The following XPR1 variants were observed in gnomAD, a reference collection of about 807,000 sequenced individuals.
The protein encoded by XPR1 is solute carrier family 53 member 1.
Under a neutral mutation model 87.5 loss-of-function variants are expected in XPR1, and 28 were observed. That is an observed-to-expected ratio of 0.32 (90% CI 0.24 to 0.44). The LOEUF (loss-of-function observed/expected upper bound fraction) is 0.44, where lower values mean the gene tolerates loss of function less well. Ranked by LOEUF, XPR1 falls within the 20% of genes least tolerant of loss-of-function variation. The pLI is 1.00. For missense variants in XPR1, 559 were observed against 862.3 expected (o/e 0.65, Z 4.41); for synonymous variants, 300 against 306.1 (o/e 0.98, Z 0.21).
At position 180,761,724 on chromosome 1, in the gene XPR1, G is replaced by A. The variant is rs549854761; in HGVS notation, c.122-26029G>A. On this transcript the variant is annotated intron_variant, in intron 2 of 14. Transcript: ENST00000367590. ...GGAAGTCAGTGTGGCAATTCCTCAG[G>A]GATCTAGAACTAGAAATACCATTTG... Among the ~76,000 whole-genome samples, 6 of 152,150 alleles carry A rather than the reference G, an allele frequency of 3.9e-5. No individual in the cohort carries two copies. The East Asian group carries it at 1.2e-3, about 29-fold the overall frequency.
At position 180,701,878 on chromosome 1, in the gene XPR1, A is replaced by C. The variant is rs564307113; in HGVS notation, c.121+19467A>C. ...GTCTATCAATTTTGTTGATCCTTTC[A>C]AAAAACCAGCTCCTGGATTCATTGA... On this transcript the variant is annotated intron_variant, in intron 2 of 14. Transcript: ENST00000367590. Among the ~76,000 whole-genome samples, 6 of 131,416 alleles carry C rather than the reference A, an allele frequency of 4.6e-5. No individual in the cohort carries two copies. The East Asian group carries it at 1.2e-3, about 26-fold the overall frequency. The allele number at this position is 131,416 out of a possible 152,430, so 86.2% of individuals were successfully genotyped here.
chr1:180,655,762 TA>T (rs1243504956), intron 1 of XPR1, among the ~76,000 whole-genome samples: 3 of 152,022 alleles, frequency 2.0e-5, no homozygotes, highest in Non-Finnish European at 4.4e-5. Context: ...AGTTAATTTT[TA>T]AAAAAAATTG....
chr1:180,666,756 T>G (rs1343357172), intron 1 of XPR1, among the ~76,000 whole-genome samples: 1 of 152,240 alleles, frequency 6.6e-6, no homozygotes, highest in African/African-American at 2.4e-5. Flanking sequence ...TTTCTACATA[T>G]AAAATTAGCA....
chr1:180,872,657 G>T (rs1394538493), intron 12 of XPR1, among the ~76,000 whole-genome samples: 1 of 133,746 alleles, frequency 7.5e-6, no homozygotes, highest in Non-Finnish European at 1.6e-5. Flanking sequence ...GTGAGGCAAT[G>T]CCTCGCCCTG....
At chr1:180,702,199 G>T (rs548977241) in intron 2 of XPR1, among the ~76,000 whole-genome samples, 85 of 96,676 alleles carry the variant, frequency 8.8e-4, no homozygotes, top group Non-Finnish European at 1.4e-3. Flanking sequence ...TATGTACCCA[G>T]TAGTCATTCA....
intron 2 of XPR1, among the ~76,000 whole-genome samples, chr1:180,727,086 A>G (rs1406675017): frequency 6.6e-6 from 1 of 151,904 alleles, no homozygotes; most frequent in African/African-American, 2.4e-5. Context: ...CATGGTCTCT[A>G]TCTCCTGACC....
intron 9 of XPR1, among the ~76,000 whole-genome samples, chr1:180,832,562 T>A (rs1307153569): frequency 6.6e-6 from 1 of 152,206 alleles, no homozygotes; most frequent in Non-Finnish European, 1.5e-5. Context: ...GAGTTAATTT[T>A]TGTGTAAGGT....
intron 7 of XPR1, among the ~76,000 whole-genome samples, chr1:180,817,558 GCCTACA>G (rs1256236666): frequency 6.6e-6 from 1 of 152,090 alleles, no homozygotes; most frequent in African/African-American, 2.4e-5. Context: ...TGTTACAATT[GCCTACA>G]GTATTCTGTA....
chr1:180,646,875 A>G (rs1655136802), intron 1 of XPR1, among the ~76,000 whole-genome samples: 1 of 152,252 alleles, frequency 6.6e-6, no homozygotes, highest in Non-Finnish European at 1.5e-5. Context: ...ATTGATGTAC[A>G]TCAATCCTCT....
rs539578665 is a variant in XPR1 at position 180,884,116 on chromosome 1, T to C, written c.*50T>C. 1.9e-6 allele frequency: 3 copies of C among 1,579,960 alleles called. No individual in the cohort carries two copies. The African/African-American group carries it at 4.1e-5, about 21-fold the overall frequency. The stretch of plus-strand genomic sequence containing the variant: ...CTTTGGTTTTCCTACTCTACAATCC[T>C]TTCCTCGACCAACGCAACCTCTAGT... On this transcript the variant is annotated 3_prime_UTR_variant, in exon 15 of 15. Coordinates refer to ENST00000367590, the MANE Select transcript of XPR1 (RefSeq NM_004736.4).
chr1:180,845,937 T>C (rs1651665688), intron 11 of XPR1, among the ~76,000 whole-genome samples: 1 of 152,182 alleles, frequency 6.6e-6, no homozygotes, highest in South Asian at 2.1e-4. Flanking sequence ...TTAATTTGCT[T>C]AGTGTTGTAT....
At chr1:180,710,816 G>A (rs1657745135) in intron 2 of XPR1, among the ~76,000 whole-genome samples, 1 of 150,248 alleles carries the variant, frequency 6.7e-6, no homozygotes, top group Non-Finnish European at 1.5e-5. Context: ...TGGGGCGGCT[G>A]GCTGGGCGGG....
chr1:180,739,659 C>G (rs1288821706), intron 2 of XPR1, among the ~76,000 whole-genome samples: 1 of 152,074 alleles, frequency 6.6e-6, no homozygotes, highest in Non-Finnish European at 1.5e-5. Context: ...TAAATTTATA[C>G]CCAATTATTT....
intron 1 of XPR1, among the ~76,000 whole-genome samples, chr1:180,663,726 A>G (rs1466587782): frequency 6.6e-6 from 1 of 152,158 alleles, no homozygotes; most frequent in Non-Finnish European, 1.5e-5. Context: ...TCTTCTCTTA[A>G]GGGTGGCAAG....
At chr1:180,826,889 C>CA (rs1458551106) in intron 9 of XPR1, among the ~76,000 whole-genome samples, 1 of 151,900 alleles carries the variant, frequency 6.6e-6, no homozygotes, top group African/African-American at 2.4e-5. Context: ...TGCAGTGGCT[C>CA]ACGCCTGTCG....
intron 1 of XPR1, among the ~76,000 whole-genome samples, chr1:180,678,232 T>C (rs1656429739): frequency 6.6e-6 from 1 of 152,244 alleles, no homozygotes; most frequent in Non-Finnish European, 1.5e-5. Flanking sequence ...ATAGGCACAG[T>C]TGATTAAATC....
intron 3 of XPR1, among the ~76,000 whole-genome samples, chr1:180,788,323 A>G (rs779635950): frequency 7.9e-5 from 12 of 152,200 alleles, no homozygotes; most frequent in Non-Finnish European, 1.3e-4. Context: ...TGGAACTTAT[A>G]TATATATTTA....
chr1:180,806,304 T>G, intron 5 of XPR1, 93 bp downstream of exon 5: 3 of 1,547,704 alleles, frequency 1.9e-6, no homozygotes, highest in Non-Finnish European at 8.8e-7. Flanking sequence ...TGTAACTAGT[T>G]GCTAGCTTTG....
intron 7 of XPR1, among the ~76,000 whole-genome samples, chr1:180,814,631 C>T (rs941162503): frequency 6.6e-6 from 1 of 152,034 alleles, no homozygotes; most frequent in Non-Finnish European, 1.5e-5. Context: ...ATGCTTGATG[C>T]CTACAAGTCT....
Sources: allele counts gnomAD v4.1 joint callset (sites outside exome capture counted in the v4.1 genomes callset), GRCh38; gene constraint gnomAD v4.1.1; transcripts MANE v1.5; gene names NCBI Gene and HGNC (gene_info 2026-07-23, HGNC 2026-07-21).